The following RSRC1 variants were observed in gnomAD, a reference collection of about 807,000 sequenced individuals.
RSRC1 encodes arginine and serine rich coiled-coil 1.
Under a neutral mutation model 49.1 loss-of-function variants are expected in RSRC1, and 39 were observed. The observed-to-expected ratio is 0.79, with a 90% CI of 0.61 to 1.04. The LOEUF (loss-of-function observed/expected upper bound fraction) is 1.04. Among genes scored for constraint, RSRC1 ranks in the 50% least tolerant of loss-of-function variants. The probability of loss-of-function intolerance (pLI) is 0.00; values close to 1 mark genes in which losing one functional copy is unlikely to be tolerated. For missense variants in RSRC1, 388 were observed against 402.4 expected, an observed-to-expected ratio of 0.96 and a Z score of 0.31; for synonymous variants, 143 against 130.8, an observed-to-expected ratio of 1.09 and a Z score of -0.63.
intron 6 of RSRC1, among the ~76,000 whole-genome samples, chr3:158,386,773 G>A (rs1213610094): frequency 6.6e-6 from 1 of 151,450 alleles, no homozygotes; most frequent in Non-Finnish European, 1.5e-5. Flanking sequence ...ATGGGGAAGA[G>A]GTGAGCAGCA....
intron 6 of RSRC1, among the ~76,000 whole-genome samples, chr3:158,395,598 A>G (rs1733570248): frequency 6.6e-6 from 1 of 152,186 alleles, no homozygotes; most frequent in African/African-American, 2.4e-5. Flanking sequence ...ACTGGTTGCT[A>G]GAGATATGCA....
intron 6 of RSRC1, among the ~76,000 whole-genome samples, chr3:158,407,805 C>T (rs1428404082): frequency 6.6e-6 from 1 of 152,104 alleles, no homozygotes; most frequent in East Asian, 1.9e-4. Context: ...CTTATATTTG[C>T]ATATTTTAGA....
At chr3:158,131,921 G>A (rs1329384502) in intron 3 of RSRC1, among the ~76,000 whole-genome samples, 5 of 151,936 alleles carry the variant, frequency 3.3e-5, no homozygotes, top group East Asian at 1.9e-4. Context: ...TATACTGAAC[G>A]TACGTTGCAC....
chr3:158,350,237 G>C (rs953785702), intron 5 of RSRC1, among the ~76,000 whole-genome samples: 1 of 144,974 alleles, frequency 6.9e-6, no homozygotes, highest in Admixed American at 7.0e-5. Flanking sequence ...GAGTACAGTC[G>C]TGTGATCTCA....
rs145988489 is a variant in RSRC1, at chr3:158,349,481, G to A, written c.532-5376G>A. Reference sequence around the variant, plus strand: ...ACAAATGGAGTTAAGTAGTCCAGCCGCCTTTGCTCCCACCAAATAATTATT... The same window carrying A: ...ACAAATGGAGTTAAGTAGTCCAGCCACCTTTGCTCCCACCAAATAATTATT... On this transcript the variant is annotated intron_variant, in intron 5 of 9. Transcript: ENST00000611884. 1.2e-4 allele frequency among the ~76,000 whole-genome samples: 19 copies of A among 152,070 alleles called. No individual in the cohort carries two copies. The South Asian group carries it at 2.7e-3, about 22-fold the overall frequency.
intron 4 of RSRC1, among the ~76,000 whole-genome samples, chr3:158,250,827 G>A (rs1410211891): frequency 1.3e-5 from 2 of 152,128 alleles, no homozygotes; most frequent in African/African-American, 4.8e-5. Context: ...CTGTGCAGAA[G>A]CTTTTTAACT....
intron 4 of RSRC1, among the ~76,000 whole-genome samples, chr3:158,257,686 T>C (rs1211235223): frequency 6.6e-6 from 1 of 152,148 alleles, no homozygotes; most frequent in African/African-American, 2.4e-5. Context: ...TTGTTATTTG[T>C]GTTCTAGGTG....
At chr3:158,531,232 C>T (rs953923223) in intron 7 of RSRC1, among the ~76,000 whole-genome samples, 9 of 151,702 alleles carry the variant, frequency 5.9e-5, no homozygotes, top group Non-Finnish European at 1.0e-4. Context: ...ATGCAAGAGG[C>T]CCTTTTACTC....
At chr3:158,377,883 A>G (rs571554850) in intron 6 of RSRC1, among the ~76,000 whole-genome samples, 44 of 151,566 alleles carry the variant, frequency 2.9e-4, no homozygotes, top group African/African-American at 1.0e-3. Context: ...TTGGTCTTGA[A>G]CTCCTGACCT....
chr3:158,355,812 G>A (rs553782181), intron 6 of RSRC1, among the ~76,000 whole-genome samples: 11 of 151,864 alleles, frequency 7.2e-5, no homozygotes, highest in African/African-American at 1.7e-4. Flanking sequence ...TCTTCCAAGC[G>A]TCCAGTTGGT....
intron 2 of RSRC1, among the ~76,000 whole-genome samples, chr3:158,123,384 G>C (rs1715413881): frequency 6.6e-6 from 1 of 152,044 alleles, no homozygotes; most frequent in South Asian, 2.1e-4. Flanking sequence ...CATATCTTTT[G>C]GACTCAAGGG....
chr3:158,464,478 C>T (rs1460528950), intron 7 of RSRC1, among the ~76,000 whole-genome samples: 1 of 152,064 alleles, frequency 6.6e-6, no homozygotes, highest in Non-Finnish European at 1.5e-5. Flanking sequence ...AAGTGTTAGG[C>T]AGCCCTTTCT....
chr3:158,489,290 C>G (rs916367003), intron 7 of RSRC1, among the ~76,000 whole-genome samples: 1 of 152,146 alleles, frequency 6.6e-6, no homozygotes, highest in Non-Finnish European at 1.5e-5. Context: ...TCAAATCTTT[C>G]TTTATACTTT....
At chr3:158,197,685 T>C (rs949156909) in intron 3 of RSRC1, among the ~76,000 whole-genome samples, 2 of 152,340 alleles carry the variant, frequency 1.3e-5, no homozygotes, top group Admixed American at 1.3e-4. Context: ...GATTCTGGTA[T>C]ATTATGTCTT....
chr3:158,160,851 G>A (rs1304223572), intron 3 of RSRC1, among the ~76,000 whole-genome samples: 1 of 152,120 alleles, frequency 6.6e-6, no homozygotes, highest in Non-Finnish European at 1.5e-5. Flanking sequence ...TTATTTGATT[G>A]TCAGCATCAC....
chr3:158,243,696 T>C (rs999273199), intron 4 of RSRC1, among the ~76,000 whole-genome samples: 10 of 152,186 alleles, frequency 6.6e-5, no homozygotes, highest in Non-Finnish European at 1.3e-4. Flanking sequence ...TTCCATTTGT[T>C]TGTGTCATGT....
At chr3:158,432,281 TG>T (rs1313291607) in intron 6 of RSRC1, among the ~76,000 whole-genome samples, 8 of 151,984 alleles carry the variant, frequency 5.3e-5, no homozygotes, top group African/African-American at 1.9e-4. Context: ...ACAGATTCTG[TG>T]GCAAAACAGA....
At chr3:158,487,973 A>AAAAAAAAAAAAAAAAAAAG (rs1320102559) in intron 7 of RSRC1, among the ~76,000 whole-genome samples, 1 of 149,120 alleles carries the variant, frequency 6.7e-6, no homozygotes, top group African/African-American at 2.5e-5. Context: ...AAAAAAAAAA[A>AAAAAAAAAAAAAAAAAAAG]ACTGGCTGAA....
chr3:158,113,548 T>C (rs1276074988), intron 1 of RSRC1, among the ~76,000 whole-genome samples: 3 of 151,954 alleles, frequency 2.0e-5, no homozygotes, highest in Non-Finnish European at 4.4e-5. Context: ...TTTGTATTTT[T>C]AATAGAAACA....
Sources: gnomAD v4.1 joint callset for allele counts (sites outside exome capture counted in the v4.1 genomes callset) on GRCh38, gnomAD v4.1.1 for gene constraint, MANE v1.5 for transcripts, NCBI Gene and HGNC (gene_info 2026-07-23, HGNC 2026-07-21) for gene names.